Variants in ARHGAP15 observed in about 807,000 individuals in gnomAD.
ARHGAP15 encodes Rho GTPase activating protein 15.
In ARHGAP15, 51 loss-of-function variants were observed where a neutral mutation model predicts 63.7. That is an observed-to-expected ratio of 0.80 (90% CI 0.64 to 1.01). The LOEUF (loss-of-function observed/expected upper bound fraction) is 1.01, where lower values mean the gene tolerates loss of function less well. Ranked by LOEUF, ARHGAP15 falls within the 50% of genes least tolerant of loss-of-function variation. The probability of loss-of-function intolerance (pLI) is 0.00; values close to 1 mark genes in which losing one functional copy is unlikely to be tolerated. For synonymous variants in ARHGAP15, 191 were observed against 193.8 expected (o/e 0.99, Z 0.12); for missense variants, 560 against 564.6 (o/e 0.99, Z 0.08).
At chr2:143,744,082 A>G (rs1686068050) in intron 13 of ARHGAP15, among the ~76,000 whole-genome samples, 1 of 152,188 alleles carries the variant, frequency 6.6e-6, no homozygotes, top group Non-Finnish European at 1.5e-5. Flanking sequence ...TAGCTAACTC[A>G]CAATTATTTG....
chr2:143,140,081 G>T (rs980171416), intron 1 of ARHGAP15, among the ~76,000 whole-genome samples: 1 of 152,136 alleles, frequency 6.6e-6, no homozygotes, highest in Admixed American at 6.5e-5. Context: ...TTGAATCAAA[G>T]AGTGACTTTT....
chr2:143,701,419 G>A (rs1055257079), intron 12 of ARHGAP15, among the ~76,000 whole-genome samples: 2 of 152,104 alleles, frequency 1.3e-5, no homozygotes. Flanking sequence ...TCAGTACACA[G>A]GGCTTATTTT....
chr2:143,341,433 T>C (rs1329682889), intron 6 of ARHGAP15, among the ~76,000 whole-genome samples: 1 of 152,166 alleles, frequency 6.6e-6, no homozygotes, highest in Non-Finnish European at 1.5e-5. Flanking sequence ...AGGTTTCCTC[T>C]AGGACGAATA....
intron 11 of ARHGAP15, among the ~76,000 whole-genome samples, chr2:143,606,170 T>C (rs1698020492): frequency 6.6e-6 from 1 of 151,888 alleles, no homozygotes; most frequent in Admixed American, 6.6e-5. Flanking sequence ...ACACAGGTAT[T>C]GTTTACCAAT....
At chr2:143,582,646 T>A (rs1435501458) in intron 11 of ARHGAP15, among the ~76,000 whole-genome samples, 4 of 152,158 alleles carry the variant, frequency 2.6e-5, no homozygotes, top group Admixed American at 2.6e-4. Flanking sequence ...AGAAAGTCTG[T>A]GTGGGTTGGG....
At chr2:143,357,540 G>A (rs138099358) in intron 6 of ARHGAP15, among the ~76,000 whole-genome samples, 2 of 152,174 alleles carry the variant, frequency 1.3e-5, no homozygotes, top group East Asian at 3.9e-4. Flanking sequence ...TGGTTCTTCT[G>A]TGCAGAAAAA....
At chr2:143,419,861 T>C (rs1558959135) in intron 6 of ARHGAP15, among the ~76,000 whole-genome samples, 1 of 142,354 alleles carries the variant, frequency 7.0e-6, no homozygotes, top group African/African-American at 2.7e-5. Flanking sequence ...CTAAGAAAAG[T>C]AACAGCAATA....
chr2:143,322,460 A>G (rs1684067590), intron 6 of ARHGAP15, among the ~76,000 whole-genome samples: 1 of 152,246 alleles, frequency 6.6e-6, no homozygotes, highest in South Asian at 2.1e-4. Context: ...CAGAAATAAT[A>G]GAACAATGAT....
At chr2:143,227,124 T>G (rs1256355287) in intron 4 of ARHGAP15, among the ~76,000 whole-genome samples, 1 of 152,188 alleles carries the variant, frequency 6.6e-6, no homozygotes, top group Non-Finnish European at 1.5e-5. Flanking sequence ...GGGTAGAAAC[T>G]TATGTATATT....
At chr2:143,567,765 G>A (rs1696288480) in intron 11 of ARHGAP15, among the ~76,000 whole-genome samples, 1 of 152,174 alleles carries the variant, frequency 6.6e-6, no homozygotes, top group Non-Finnish European at 1.5e-5. Flanking sequence ...TTGTTGCCAA[G>A]TCCCTGTCGG....
chr2:143,667,121 G>T (rs1375741286), intron 12 of ARHGAP15, among the ~76,000 whole-genome samples: 1 of 150,728 alleles, frequency 6.6e-6, no homozygotes, highest in East Asian at 2.0e-4. Context: ...ACATGCACAC[G>T]TATGTTTATT....
Position 143,184,931 on chromosome 2 carries a change from C to T in ARHGAP15, c.166-17203C>T, listed in dbSNP as rs150074101. 5.3e-5 allele frequency among the ~76,000 whole-genome samples: 8 copies of T among 151,684 alleles called. No homozygotes were observed. In the East Asian group the frequency reaches 1.5e-3, roughly 29 times the overall value. ...CATCTGACCTCAATCAATCTTCCCT[C>T]GTTGGTTTCCCAAAGTGTTGGGAAT... On this transcript the variant is annotated intron_variant, in intron 2 of 13. Transcript: ENST00000295095.
intron 6 of ARHGAP15, among the ~76,000 whole-genome samples, chr2:143,397,707 C>T (rs567201181): frequency 3.9e-5 from 6 of 152,218 alleles, no homozygotes; most frequent in African/African-American, 1.2e-4. Context: ...AAACTGAGCT[C>T]TACAGTGTAC....
chr2:143,536,222 C>T (rs1268316011), intron 10 of ARHGAP15, among the ~76,000 whole-genome samples: 3 of 152,172 alleles, frequency 2.0e-5, no homozygotes, highest in Non-Finnish European at 4.4e-5. Flanking sequence ...TCATACCAGC[C>T]TCTAGTAGCC....
At chr2:143,464,765 T>G in intron 8 of ARHGAP15, among the ~76,000 whole-genome samples, 1 of 152,160 alleles carries the variant, frequency 6.6e-6, no homozygotes, top group East Asian at 1.9e-4. Flanking sequence ...ATAATTTTTT[T>G]GTTCTAATTT....
intron 9 of ARHGAP15, among the ~76,000 whole-genome samples, chr2:143,506,614 T>C (rs1693336271): frequency 6.6e-6 from 1 of 152,342 alleles, no homozygotes; most frequent in South Asian, 2.1e-4. Context: ...GTAATTCTAA[T>C]GAGATGATGA....
In ARHGAP15 at chr2:143,556,476, G is replaced by A. The variant is rs767732420; in HGVS notation, c.994G>A (p.Val332Ile). 11 of 1,610,830 alleles carry A rather than the reference G, an allele frequency of 6.8e-6. No homozygotes were observed. The highest frequency in any genetic ancestry group is 9.3e-6 in the Non-Finnish European group (11 of 1,178,174). Residue 332 changes from valine to isoleucine, a missense_variant, in exon 11 of 14, where the codon GTC becomes ATC. Transcript: ENST00000295095. ...LATIQKLRFI[V>I]NQEEKLNLDD... ...AACAATACAGAAGTTAAGATTTATT[G>A]TCAACCAAGGTAAGTGATTTCCACT...
intron 3 of ARHGAP15, 43 bp downstream of exon 3, chr2:143,202,245 A>C (rs777970233): frequency 2.0e-6 from 3 of 1,512,602 alleles, no homozygotes; most frequent in South Asian, 2.3e-5. Context: ...CTGATACAAA[A>C]TAAATTGCCA....
chr2:143,391,818 T>C (rs1348679158), intron 6 of ARHGAP15, among the ~76,000 whole-genome samples: 1 of 152,190 alleles, frequency 6.6e-6, no homozygotes, highest in Non-Finnish European at 1.5e-5. Flanking sequence ...TTTTTCTTTT[T>C]AAGGGAAATC....
Sources: allele counts gnomAD v4.1 joint callset (sites outside exome capture counted in the v4.1 genomes callset), GRCh38; gene constraint gnomAD v4.1.1; transcripts MANE v1.5; gene names NCBI Gene and HGNC (gene_info 2026-07-23, HGNC 2026-07-21).